The following SEMA3A variants were observed in gnomAD, a reference collection of about 807,000 sequenced individuals.
SEMA3A encodes the protein semaphorin 3A.
Under a neutral mutation model 97.9 loss-of-function variants are expected in SEMA3A, and 29 were observed. The ratio of observed to expected loss-of-function variants is 0.30; its 90% confidence interval spans 0.22 to 0.40. The LOEUF (loss-of-function observed/expected upper bound fraction) is 0.40. SEMA3A is among the 10% of genes least tolerant of loss of function. The pLI, the probability that SEMA3A is intolerant of heterozygous loss-of-function variation, is 1.00. For synonymous variants in SEMA3A, 321 were observed against 323.7 expected, an observed-to-expected ratio of 0.99 and a Z score of 0.09; for missense variants, 763 against 951.3, an observed-to-expected ratio of 0.80 and a Z score of 2.60.
At chr7:84,078,815 A>T (rs986498475) in intron 4 of SEMA3A, among the ~76,000 whole-genome samples, 1 of 151,968 alleles carries the variant, frequency 6.6e-6, no homozygotes, top group African/African-American at 2.4e-5. Flanking sequence ...AGAAAAAGAA[A>T]ACCCTGACTG....
In SEMA3A at chr7:84,413,595, G is replaced by A. The variant is rs1008996997; in HGVS notation, c.-245-41695C>T. On this transcript the variant is annotated intron_variant, in intron 1 of 3. Transcript: ENST00000424555. ...GTGAGCTGTGATCATGCCATTGCAC[G>A]CTAGCCTGGGTGACAGGGTGTCAGA... is the stretch of plus-strand genomic sequence containing the variant. Among the ~76,000 whole-genome samples, 4 of 152,084 alleles carry A rather than the reference G, an allele frequency of 2.6e-5. No homozygotes were observed. The East Asian group carries it at 5.8e-4, about 22-fold the overall frequency.
intron 2 of SEMA3A, among the ~76,000 whole-genome samples, chr7:84,346,887 G>C (rs979089675): frequency 6.6e-6 from 1 of 152,174 alleles, no homozygotes; most frequent in Non-Finnish European, 1.5e-5. Flanking sequence ...GCAATTATCT[G>C]CCACTTGCAT....
chr7:84,068,987 A>C (rs2115742860), intron 4 of SEMA3A, among the ~76,000 whole-genome samples: 1 of 152,242 alleles, frequency 6.6e-6, no homozygotes, highest in Admixed American at 6.5e-5. Context: ...CTTTTAATGT[A>C]ATTCCTACCC....
chr7:84,037,597 T>C (rs1791986446), intron 6 of SEMA3A, among the ~76,000 whole-genome samples: 1 of 152,150 alleles, frequency 6.6e-6, no homozygotes, highest in Non-Finnish European at 1.5e-5. Flanking sequence ...CTTATGCTAT[T>C]AGCCTACGTT....
In SEMA3A at chr7:83,958,332, C is replaced by T. The variant is rs550423031; in HGVS notation, c.*3039G>A. The T allele has an allele frequency of 7.2e-5, 11 of 152,530 alleles. No individual in the cohort carries two copies. The East Asian group carries it at 1.2e-3, about 16-fold the overall frequency. The allele number at this position is 152,530 out of a possible 1,614,324, so 9.4% of individuals were successfully genotyped here. On this transcript the variant is annotated 3_prime_UTR_variant, in exon 17 of 17. Coordinates refer to ENST00000265362, the MANE Select transcript of SEMA3A (RefSeq NM_006080.3). The stretch of plus-strand genomic sequence containing the variant: ...ATGTTATAGGGAACAGTAAAGACAT[C>T]TGAATTCAAATATTTTGAAGAAATG...
At chr7:84,094,671 G>A (rs971084848) in intron 4 of SEMA3A, among the ~76,000 whole-genome samples, 1 of 151,868 alleles carries the variant, frequency 6.6e-6, no homozygotes, top group Admixed American at 6.6e-5. Flanking sequence ...ATATGACACC[G>A]ATTCTAAAAT....
At chr7:84,042,906 CATT>C (rs1792199260) in intron 6 of SEMA3A, among the ~76,000 whole-genome samples, 1 of 151,980 alleles carries the variant, frequency 6.6e-6, no homozygotes, top group African/African-American at 2.4e-5. Context: ...GTTAAGATAT[CATT>C]ATGATAACAG....
chr7:84,140,372 T>C (rs1057196123), intron 1 of SEMA3A, among the ~76,000 whole-genome samples: 2 of 152,166 alleles, frequency 1.3e-5, no homozygotes, highest in African/African-American at 2.4e-5. Context: ...GAAGAACTCC[T>C]GTATATTTGA....
In SEMA3A at chr7:84,181,665, T is replaced by C. The variant is rs562603289; in HGVS notation, c.112+12810A>G. 5.3e-5 allele frequency among the ~76,000 whole-genome samples: 8 copies of C among 152,278 alleles called. No individual in the cohort carries two copies. The East Asian group carries it at 9.6e-4, about 18-fold the overall frequency. The stretch of plus-strand genomic sequence containing the variant: ...AAGAAAACACTAGTAGTTTTACAAA[T>C]TCATCACTGATTATTTTTACATTTA... On this transcript the variant is annotated intron_variant, in intron 1 of 16. Transcript: ENST00000265362.
At chr7:84,263,011 G>T (rs1395527859) in intron 3 of SEMA3A, among the ~76,000 whole-genome samples, 1 of 151,854 alleles carries the variant, frequency 6.6e-6, no homozygotes, top group Non-Finnish European at 1.5e-5. Flanking sequence ...TGTAATGTTG[G>T]GTATAACATA....
Position 84,477,073 on chromosome 7 carries a change from A to ATAT in SEMA3A, c.-246+15386_-246+15387insATA, listed in dbSNP as rs1554394128. On this transcript the variant is annotated intron_variant, in intron 1 of 3. Transcript: ENST00000424555. ...TGCCATGTGTTTGTTAAAAAAAAAA[A>ATAT]ATATATATATATATATATATTTTTC... 4.4e-3 allele frequency among the ~76,000 whole-genome samples: 624 copies of ATAT among 140,566 alleles called. 1 individual carries two copies. The highest frequency in any genetic ancestry group is 5.9e-3 in the Non-Finnish European group (382 of 65,274). The allele number at this position is 140,566 out of a possible 152,430, so 92.2% of individuals were successfully genotyped here.
chr7:84,093,935 A>G (rs77140703), intron 4 of SEMA3A, among the ~76,000 whole-genome samples: 62,440 of 151,184 alleles, frequency 0.41, 14,750 homozygotes, highest in Non-Finnish European at 0.52. Flanking sequence ...AAAAAAAAAA[A>G]AAAAGAAAGG....
At chr7:83,988,690 G>T (rs989347809) in intron 12 of SEMA3A, among the ~76,000 whole-genome samples, 2 of 151,830 alleles carry the variant, frequency 1.3e-5, no homozygotes, top group Admixed American at 1.3e-4. Context: ...TACCTTAAAT[G>T]AATTATATTA....
chr7:84,359,905 G>C (rs1461196577), intron 2 of SEMA3A, among the ~76,000 whole-genome samples: 1 of 151,474 alleles, frequency 6.6e-6, no homozygotes, highest in Non-Finnish European at 1.5e-5. Context: ...ATTTCTTCTA[G>C]ATTTTCTAGT....
chr7:84,037,470 G>A (rs372184065), intron 6 of SEMA3A, among the ~76,000 whole-genome samples: 4 of 152,020 alleles, frequency 2.6e-5, no homozygotes, highest in African/African-American at 9.7e-5. Context: ...TGGGACTACA[G>A]ATGCATGCCA....
In SEMA3A at chr7:84,084,290, T is replaced by C. The variant is rs556453781; in HGVS notation, c.454-23732A>G. 9.2e-5 allele frequency among the ~76,000 whole-genome samples: 14 copies of C among 152,210 alleles called. No individual in the cohort carries two copies. In the South Asian group the frequency reaches 2.9e-3, roughly 32 times the overall value. ...GGCCAATGACTACCTGGCTATTGTT[T>C]TTACTTAGTCTTTGAAATTATTTTG... On this transcript the variant is annotated intron_variant, in intron 4 of 16. Coordinates refer to ENST00000265362, the MANE Select transcript of SEMA3A (RefSeq NM_006080.3).
At chr7:84,322,964 T>C (rs1412746741) in intron 2 of SEMA3A, among the ~76,000 whole-genome samples, 1 of 150,664 alleles carries the variant, frequency 6.6e-6, no homozygotes, top group Non-Finnish European at 1.5e-5. Context: ...GGAAACTTGA[T>C]TCTACCACTG....
chr7:84,057,269 A>G (rs1457317569), intron 5 of SEMA3A, among the ~76,000 whole-genome samples: 1 of 152,206 alleles, frequency 6.6e-6, no homozygotes, highest in Admixed American at 6.5e-5. Context: ...CAATGAAAAA[A>G]TAAAATTGCT....
intron 6 of SEMA3A, among the ~76,000 whole-genome samples, chr7:84,027,017 T>G (rs932945111): frequency 6.6e-6 from 1 of 151,862 alleles, no homozygotes; most frequent in Non-Finnish European, 1.5e-5. Flanking sequence ...AAAAAAAAAC[T>G]GCAAGCAAAA....
Sources: gnomAD v4.1 joint callset for allele counts (sites outside exome capture counted in the v4.1 genomes callset) on GRCh38, gnomAD v4.1.1 for gene constraint, MANE v1.5 for transcripts, NCBI Gene and HGNC (gene_info 2026-07-23, HGNC 2026-07-21) for gene names.